SHB: variants seen among roughly 807,000 people sequenced by gnomAD.
The protein encoded by SHB is SH2 domain-containing adapter protein B.
In SHB, 20 loss-of-function variants were observed where a neutral mutation model predicts 52.3. The ratio of observed to expected loss-of-function variants is 0.38; its 90% CI spans 0.27 to 0.56. The LOEUF (loss-of-function observed/expected upper bound fraction) is 0.56, where lower values mean the gene tolerates loss of function less well. SHB is among the 20% of genes least tolerant of loss of function. SHB has a pLI of 0.71. For missense variants in SHB, 825 were observed against 723.3 expected (o/e 1.14, Z -1.61); for synonymous variants, 397 against 316.5 (o/e 1.25, Z -2.70).
chr9:38,060,881 A>G (rs541660307), intron 1 of SHB, among the ~76,000 whole-genome samples: 1 of 152,276 alleles, frequency 6.6e-6, no homozygotes, highest in East Asian at 1.9e-4. Context: ...TCCTCAACCA[A>G]AAGATAAGCT....
chr9:37,986,391 G>A (rs1467995968), intron 2 of SHB, among the ~76,000 whole-genome samples: 1 of 152,052 alleles, frequency 6.6e-6, no homozygotes, highest in Non-Finnish European at 1.5e-5. Flanking sequence ...AACAGGGAAT[G>A]GCCCCCACAG....
chr9:37,946,961 G>T (rs566929524), intron 5 of SHB, among the ~76,000 whole-genome samples: 6 of 152,306 alleles, frequency 3.9e-5, no homozygotes, highest in African/African-American at 1.4e-4. Flanking sequence ...CAGCCCAGAA[G>T]AGCACCATTC....
chr9:37,929,681 C>T (rs1344505333), intron 5 of SHB, among the ~76,000 whole-genome samples: 2 of 152,256 alleles, frequency 1.3e-5, no homozygotes, highest in Non-Finnish European at 2.9e-5. Flanking sequence ...TACCTGGGTT[C>T]TGGCCCAGCT....
At chr9:38,032,478 C>A (rs553356880) in intron 1 of SHB, among the ~76,000 whole-genome samples, 1 of 152,354 alleles carries the variant, frequency 6.6e-6, no homozygotes, top group East Asian at 1.9e-4. Flanking sequence ...GCAGCTTTGC[C>A]AGCTTGGCTC....
At chr9:37,963,840 A>G (rs1391374231) in intron 3 of SHB, among the ~76,000 whole-genome samples, 1 of 152,222 alleles carries the variant, frequency 6.6e-6, no homozygotes, top group East Asian at 1.9e-4. Context: ...CCCTGTTCAC[A>G]TGACAATGGG....
chr9:38,057,131 G>A (rs573318018), intron 1 of SHB, among the ~76,000 whole-genome samples: 16 of 152,294 alleles, frequency 1.1e-4, no homozygotes, highest in Admixed American at 7.8e-4. Context: ...TTACAAAGAT[G>A]TTCATTACGG....
At chr9:38,046,405 TA>T (rs1564109898) in intron 1 of SHB, among the ~76,000 whole-genome samples, 1 of 152,148 alleles carries the variant, frequency 6.6e-6, no homozygotes, top group Non-Finnish European at 1.5e-5. Context: ...GTTAGACACA[TA>T]AGAATTGAAT....
intron 2 of SHB, among the ~76,000 whole-genome samples, chr9:37,983,784 G>C (rs1820769651): frequency 6.6e-6 from 1 of 152,238 alleles, no homozygotes; most frequent in Non-Finnish European, 1.5e-5. Context: ...GAGACGCCAG[G>C]GTTGCAGGTA....
chr9:37,984,849 G>A (rs915323645), intron 2 of SHB, among the ~76,000 whole-genome samples: 5 of 152,134 alleles, frequency 3.3e-5, no homozygotes, highest in African/African-American at 9.7e-5. Context: ...GTGCTTCAAC[G>A]TCTGAATTCA....
chr9:38,055,514 T>C (rs1008004102), intron 1 of SHB, among the ~76,000 whole-genome samples: 1 of 152,102 alleles, frequency 6.6e-6, no homozygotes. Flanking sequence ...ACCAAAATCG[T>C]GTGGCCCACA....
chr9:37,935,557 A>G (rs1396631101), intron 5 of SHB, among the ~76,000 whole-genome samples: 1 of 152,038 alleles, frequency 6.6e-6, no homozygotes, highest in Non-Finnish European at 1.5e-5. Flanking sequence ...TGCTGTGGGG[A>G]GTCAGAGAGA....
intron 1 of SHB, among the ~76,000 whole-genome samples, chr9:38,062,207 T>C (rs1282600701): frequency 6.6e-6 from 1 of 152,240 alleles, no homozygotes; most frequent in Non-Finnish European, 1.5e-5. Context: ...CATATAGGTT[T>C]TGAACTCAAG....
chr9:38,004,562 C>A (rs1225668016), intron 2 of SHB, among the ~76,000 whole-genome samples: 2 of 152,180 alleles, frequency 1.3e-5, no homozygotes, highest in African/African-American at 4.8e-5. Flanking sequence ...AGGCCATTCA[C>A]TTCAGGAAGT....
intron 2 of SHB, among the ~76,000 whole-genome samples, chr9:38,002,853 G>A (rs1444207203): frequency 6.6e-6 from 1 of 152,180 alleles, no homozygotes; most frequent in Non-Finnish European, 1.5e-5. Flanking sequence ...GAGACCGTGA[G>A]TTTTAAGATC....
At chr9:37,943,913 T>C (rs1026619758) in intron 5 of SHB, among the ~76,000 whole-genome samples, 2 of 152,222 alleles carry the variant, frequency 1.3e-5, no homozygotes, top group African/African-American at 4.8e-5. Context: ...AGCCTTTTAA[T>C]GAGATTTTTT....
rs532191175 is a variant in SHB, at chr9:37,937,471, A to G, written c.1346+11164T>C. Among the ~76,000 whole-genome samples the G allele has an allele frequency of 3.3e-5, 5 of 152,318 alleles. No homozygotes were observed. In the East Asian group the frequency reaches 9.6e-4, roughly 29 times the overall value. On this transcript the variant is annotated intron_variant, in intron 5 of 5. Transcript: ENST00000377707. ...AATAATCTTTAAAAAGATAAGAAAA[A>G]AAAAAAAAGCAAAGCATTATTAAAA...
At position 37,974,797 on chromosome 9, in the gene SHB, A is replaced by C. The variant is rs1587222827; in HGVS notation, c.879T>G (p.Gly293=). ...RQESVRSQHK[G]IQLYDTPYEP... ...CGTAAGGGGTGTCATATAACTGGAT[A>C]CCTTTATGCTGGGACCGGACACTTT... The change falls in exon 3 of 6, where the codon GGT becomes GGG. Residue 293 remains glycine (G), a synonymous_variant. Coordinates refer to ENST00000377707, the MANE Select transcript of SHB (RefSeq NM_003028.3). 1 of 1,614,032 alleles carries C rather than the reference A, an allele frequency of 6.2e-7. No homozygotes were observed. The highest frequency in any genetic ancestry group is 8.5e-7 in the Non-Finnish European group (1 of 1,179,988).
At chr9:37,973,326 C>T (rs923067311) in intron 3 of SHB, among the ~76,000 whole-genome samples, 6 of 152,170 alleles carry the variant, frequency 3.9e-5, no homozygotes, top group South Asian at 4.1e-4. Flanking sequence ...CAGGTTCAAG[C>T]GATTCTCCTG....
intron 1 of SHB, among the ~76,000 whole-genome samples, chr9:38,036,756 C>A (rs1024829260): frequency 6.6e-6 from 1 of 152,190 alleles, no homozygotes; most frequent in African/African-American, 2.4e-5. Context: ...AATAATAATA[C>A]AAGAAATACT....
Sources: gnomAD v4.1 joint callset for allele counts (sites outside exome capture counted in the v4.1 genomes callset) on GRCh38, gnomAD v4.1.1 for gene constraint, MANE v1.5 for transcripts, NCBI Gene and HGNC (gene_info 2026-07-23, HGNC 2026-07-21) for gene names.